The following GABRB1 variants were observed in gnomAD, a reference collection of about 807,000 sequenced individuals.
GABRB1 encodes gamma-aminobutyric acid type A receptor subunit beta1, also known as gamma-aminobutyric acid receptor subunit beta-1.
Under a neutral mutation model 51.6 loss-of-function variants are expected in GABRB1, and 17 were observed. That is an observed-to-expected ratio of 0.33 (90% CI 0.23 to 0.49). GABRB1 has a LOEUF of 0.49. Ranked by LOEUF, GABRB1 falls within the 20% of genes least tolerant of loss-of-function variation. GABRB1 has a pLI of 0.99. For missense variants in GABRB1, 410 were observed against 600.6 expected, an observed-to-expected ratio of 0.68 and a Z score of 3.32; for synonymous variants, 247 against 218.9, an observed-to-expected ratio of 1.13 and a Z score of -1.14.
At chr4:47,317,906 G>A (rs1479782750) in intron 4 of GABRB1, among the ~76,000 whole-genome samples, 1 of 151,630 alleles carries the variant, frequency 6.6e-6, no homozygotes, top group Non-Finnish European at 1.5e-5. Flanking sequence ...AATCCCTCTT[G>A]GTCATTGTAC....
chr4:47,172,601 C>A (rs565221516), intron 4 of GABRB1, among the ~76,000 whole-genome samples: 251 of 108,700 alleles, frequency 2.3e-3, no homozygotes, highest in Non-Finnish European at 4.1e-3. Context: ...CCTTGCATTT[C>A]TATATCTTCT....
intron 4 of GABRB1, among the ~76,000 whole-genome samples, chr4:47,233,026 T>C (rs2109837784): frequency 6.6e-6 from 1 of 151,896 alleles, no homozygotes; most frequent in East Asian, 1.9e-4. Flanking sequence ...AGGTGCACAC[T>C]GCCATGCCCA....
At chr4:46,994,602 C>T (rs1433985150) in intron 1 of GABRB1, among the ~76,000 whole-genome samples, 2 of 151,584 alleles carry the variant, frequency 1.3e-5, no homozygotes, top group Non-Finnish European at 2.9e-5. Context: ...ATATTAGTTC[C>T]CTTGTGACAT....
Position 47,255,676 on chromosome 4 carries a change from G to A in GABRB1, c.462-64451G>A, listed in dbSNP as rs150209976. On this transcript the variant is annotated intron_variant, in intron 4 of 8. Coordinates refer to ENST00000295454, the MANE Select transcript of GABRB1 (RefSeq NM_000812.4). Reference sequence around the variant, plus strand: ...GGCTTCTAAACTTGAGTGTGCACCAGACTTGCCTGGAAGGCTTGTTAAAAC... The same window carrying A: ...GGCTTCTAAACTTGAGTGTGCACCAAACTTGCCTGGAAGGCTTGTTAAAAC... Among the ~76,000 whole-genome samples, 8 of 152,326 alleles carry A rather than the reference G, an allele frequency of 5.3e-5. No individual in the cohort carries two copies. The East Asian group carries it at 1.5e-3, about 29-fold the overall frequency.
chr4:47,174,469 C>G (rs1718580465), intron 4 of GABRB1, among the ~76,000 whole-genome samples: 1 of 152,124 alleles, frequency 6.6e-6, no homozygotes, highest in Admixed American at 6.6e-5. Context: ...CTTGTAGATA[C>G]CCCTCCTCAC....
At chr4:47,059,385 T>C (rs1408293450) in intron 3 of GABRB1, among the ~76,000 whole-genome samples, 2 of 152,172 alleles carry the variant, frequency 1.3e-5, no homozygotes, top group Non-Finnish European at 1.5e-5. Context: ...TTGCCTAGGC[T>C]AGTCTTAAAT....
At chr4:47,207,468 A>G (rs1159301589) in intron 4 of GABRB1, among the ~76,000 whole-genome samples, 1 of 152,050 alleles carries the variant, frequency 6.6e-6, no homozygotes, top group African/African-American at 2.4e-5. Context: ...CATTAAAATT[A>G]GTTTTCAGGA....
intron 1 of GABRB1, among the ~76,000 whole-genome samples, chr4:47,011,808 T>C (rs1029287059): frequency 6.6e-6 from 1 of 152,152 alleles, no homozygotes; most frequent in African/African-American, 2.4e-5. Context: ...AGTATAAATC[T>C]TCCCACCAAC....
At chr4:47,053,066 G>A (rs190997561) in intron 3 of GABRB1, among the ~76,000 whole-genome samples, 1 of 152,262 alleles carries the variant, frequency 6.6e-6, no homozygotes, top group East Asian at 1.9e-4. Context: ...CTCCTGTGGG[G>A]CAGTGAGGGC....
At chr4:47,131,688 C>T (rs576778208) in intron 3 of GABRB1, among the ~76,000 whole-genome samples, 3 of 152,004 alleles carry the variant, frequency 2.0e-5, no homozygotes, top group South Asian at 2.1e-4. Context: ...TGCAATGTTA[C>T]GATATGGTAA....
rs143562819 is a variant in GABRB1, at chr4:47,163,642, A to G, written c.461+2173A>G. Among the ~76,000 whole-genome samples, 60 of 152,160 alleles carry G rather than the reference A, an allele frequency of 3.9e-4. 1 individual carries two copies. The highest frequency in any genetic ancestry group is 1.4e-3 in the African/African-American group (60 of 41,544). ...ACAGAAGCCCAAACCTCAGCATCAT[A>G]CAATATAGTCATGTTACAAACCTGC... On this transcript the variant is annotated intron_variant, in intron 4 of 8. Coordinates refer to ENST00000295454, the MANE Select transcript of GABRB1 (RefSeq NM_000812.4).
chr4:47,099,094 T>G (rs562890649), intron 3 of GABRB1, among the ~76,000 whole-genome samples: 1 of 152,186 alleles, frequency 6.6e-6, no homozygotes, highest in African/African-American at 2.4e-5. Context: ...AGCAAGATTG[T>G]GAAGATACAT....
chr4:47,371,284 T>C (rs1479982924), intron 5 of GABRB1, among the ~76,000 whole-genome samples: 1 of 152,236 alleles, frequency 6.6e-6, no homozygotes, highest in Non-Finnish European at 1.5e-5. Flanking sequence ...TTTTTATGGC[T>C]GCATAGTATT....
At chr4:47,245,966 A>C (rs1578030397) in intron 4 of GABRB1, among the ~76,000 whole-genome samples, 1 of 150,534 alleles carries the variant, frequency 6.6e-6, no homozygotes, top group Admixed American at 6.6e-5. Context: ...ATCTGATTAC[A>C]TAAGTAAGTT....
chr4:47,201,666 C>T (rs1015556997), intron 4 of GABRB1, among the ~76,000 whole-genome samples: 1 of 151,234 alleles, frequency 6.6e-6, no homozygotes, highest in Non-Finnish European at 1.5e-5. Flanking sequence ...TATTATTATG[C>T]CTAAAAATGT....
chr4:47,224,899 G>GT (rs1720895347), intron 4 of GABRB1, among the ~76,000 whole-genome samples: 1 of 151,698 alleles, frequency 6.6e-6, no homozygotes, highest in Admixed American at 6.6e-5. Flanking sequence ...TGTTGTTTTT[G>GT]TTTTTTGTTT....
chr4:47,130,424 A>C (rs1648842781), intron 3 of GABRB1, among the ~76,000 whole-genome samples: 1 of 151,184 alleles, frequency 6.6e-6, no homozygotes, highest in African/African-American at 2.4e-5. Flanking sequence ...TGGAAAATTC[A>C]GCTCCTGGAA....
rs1305298443 is a variant in GABRB1 at position 47,254,361 on chromosome 4, G to GGTTTTTTTTTTTTTTT, written c.462-65766_462-65765insGTTTTTTTTTTTTTTT. 8.6e-5 allele frequency among the ~76,000 whole-genome samples: 7 copies of GGTTTTTTTTTTTTTTT among 80,966 alleles called. 1 individual carries two copies. Among genetic ancestry groups the GGTTTTTTTTTTTTTTT allele is most frequent in the African/African-American group, 1.0e-4 (2 of 19,264 alleles). The allele number at this position is 80,966 out of a possible 152,430, so 53.1% of individuals were successfully genotyped here. Reference sequence around the variant, plus strand: ...ATGGTGGATGATGTTTCTTTTCTTTGTTTTTTTTTTTTTTTTTTTTTTTTT... The same window carrying GGTTTTTTTTTTTTTTT: ...ATGGTGGATGATGTTTCTTTTCTTTGGTTTTTTTTTTTTTTTTTTTTTTTTTTTTTTTTTTTTTTTT... On this transcript the variant is annotated intron_variant, in intron 4 of 8. Coordinates refer to ENST00000295454, the MANE Select transcript of GABRB1 (RefSeq NM_000812.4).
At chr4:47,391,716 A>C (rs1178354383) in intron 5 of GABRB1, among the ~76,000 whole-genome samples, 1 of 152,238 alleles carries the variant, frequency 6.6e-6, no homozygotes, top group Non-Finnish European at 1.5e-5. Context: ...GAATATACCA[A>C]ATAGGTCCCT....
Sources: allele counts gnomAD v4.1 joint callset (sites outside exome capture counted in the v4.1 genomes callset), GRCh38; gene constraint gnomAD v4.1.1; transcripts MANE v1.5; gene names NCBI Gene and HGNC (gene_info 2026-07-23, HGNC 2026-07-21).